Variants in ABTB3 observed in about 807,000 individuals in gnomAD.
ABTB3 encodes the protein ankyrin repeat- and BTB/POZ domain-containing protein 3.
At chr12:107,538,914 A>G in the ABTB3 span, among the ~76,000 whole-genome samples, 1 of 152,106 alleles carries the variant, frequency 6.6e-6, no homozygotes, top group Non-Finnish European at 1.5e-5. Context: ...CAGACTTTTT[A>G]AGGGCCACAC....
chr12:107,635,916 G>A, the ABTB3 span, among the ~76,000 whole-genome samples: 1 of 124,550 alleles, frequency 8.0e-6, no homozygotes, highest in Non-Finnish European at 1.6e-5. Context: ...AAAAACATGA[G>A]GGGACATACC....
chr12:107,659,262 A>G, the ABTB3 span: 1 of 152,194 alleles, frequency 6.6e-6, no homozygotes, highest in Non-Finnish European at 1.5e-5. Context: ...GGCATGGCCC[A>G]TGGAGCATCT....
the ABTB3 span, among the ~76,000 whole-genome samples, chr12:107,387,671 C>T: frequency 6.6e-6 from 1 of 152,150 alleles, no homozygotes; most frequent in South Asian, 2.1e-4. Context: ...TGCTCTGTGC[C>T]AGGCAGCATG....
At chr12:107,359,004 C>T in the ABTB3 span, among the ~76,000 whole-genome samples, 1 of 152,342 alleles carries the variant, frequency 6.6e-6, no homozygotes, top group African/African-American at 2.4e-5. Flanking sequence ...TCTGCTGTCC[C>T]ATCTTATGTT....
the ABTB3 span, among the ~76,000 whole-genome samples, chr12:107,463,501 C>T: frequency 6.6e-6 from 1 of 152,110 alleles, no homozygotes; most frequent in Non-Finnish European, 1.5e-5. Flanking sequence ...TCTGTGATTA[C>T]TCCCATTTTA....
the ABTB3 span, among the ~76,000 whole-genome samples, chr12:107,398,943 C>T: frequency 6.6e-6 from 1 of 152,198 alleles, no homozygotes; most frequent in Admixed American, 6.5e-5. Context: ...GCTATACTGG[C>T]ATCCTATCTT....
At chr12:107,612,965 AG>A in the ABTB3 span, 1 of 1,127,522 alleles carries the variant, frequency 8.9e-7, no homozygotes, top group Non-Finnish European at 1.3e-6. Flanking sequence ...GCTGCCACTG[AG>A]GGTGCACAGT....
chr12:107,484,298 G>A, the ABTB3 span, among the ~76,000 whole-genome samples: 2 of 152,230 alleles, frequency 1.3e-5, no homozygotes, highest in South Asian at 2.1e-4. Flanking sequence ...CTGAAAAGGT[G>A]GCATTTGTAC....
chr12:107,527,564 G>C, the ABTB3 span, among the ~76,000 whole-genome samples: 3 of 151,492 alleles, frequency 2.0e-5, no homozygotes, highest in Non-Finnish European at 4.4e-5. Flanking sequence ...GAGCCATGGC[G>C]CCTGGCCAAG....
chr12:107,342,689 A>G, the ABTB3 span, among the ~76,000 whole-genome samples: 1 of 152,112 alleles, frequency 6.6e-6, no homozygotes, highest in South Asian at 2.1e-4. Flanking sequence ...TAGGCAGAGC[A>G]TCCATTCTCT....
the ABTB3 span, among the ~76,000 whole-genome samples, chr12:107,563,888 G>C: frequency 5.9e-5 from 9 of 152,166 alleles, no homozygotes; most frequent in Admixed American, 2.0e-4. Flanking sequence ...TGACAGATGC[G>C]AATGTAGGTT....
chr12:107,360,382 C>A, the ABTB3 span, among the ~76,000 whole-genome samples: 2 of 152,156 alleles, frequency 1.3e-5, no homozygotes, highest in Non-Finnish European at 2.9e-5. Context: ...GGAGCCCAGC[C>A]AGTGGGGTAA....
At chr12:107,406,019 TG>T in the ABTB3 span, among the ~76,000 whole-genome samples, 1 of 152,190 alleles carries the variant, frequency 6.6e-6, no homozygotes, top group Admixed American at 6.5e-5. Context: ...TGTGGTTACG[TG>T]GGAGCTGAGT....
At chr12:107,621,570 A>G in the ABTB3 span, among the ~76,000 whole-genome samples, 1 of 152,230 alleles carries the variant, frequency 6.6e-6, no homozygotes, top group Non-Finnish European at 1.5e-5. Flanking sequence ...GCGTTCTTAA[A>G]GTAAACTTTA....
chr12:107,654,830 A>ACACACACACACACG, the ABTB3 span, among the ~76,000 whole-genome samples: 4 of 147,046 alleles, frequency 2.7e-5, no homozygotes, highest in African/African-American at 5.3e-5. Flanking sequence ...ACACACACAC[A>ACACACACACACACG]CACACACACA....
At chr12:107,400,620 T>A in the ABTB3 span, among the ~76,000 whole-genome samples, 1 of 152,180 alleles carries the variant, frequency 6.6e-6, no homozygotes, top group East Asian at 1.9e-4. Context: ...GTGTGAACAT[T>A]CAGTGAGATG....
At chr12:107,634,617 G>C in the ABTB3 span, among the ~76,000 whole-genome samples, 1 of 152,130 alleles carries the variant, frequency 6.6e-6, no homozygotes, top group African/African-American at 2.4e-5. Flanking sequence ...ATTAATGAAC[G>C]GAAATGGCTG....
the ABTB3 span, among the ~76,000 whole-genome samples, chr12:107,421,520 C>T: frequency 6.6e-6 from 1 of 152,216 alleles, no homozygotes; most frequent in Non-Finnish European, 1.5e-5. Context: ...CTGCAAAGCT[C>T]TTCTGCTAAG....
the ABTB3 span, among the ~76,000 whole-genome samples, chr12:107,464,568 C>T: frequency 6.6e-6 from 1 of 152,252 alleles, no homozygotes; most frequent in East Asian, 1.9e-4. Context: ...GCCTTGGCCT[C>T]CCAAAGTGTT....
Sources: gnomAD v4.1 joint callset for allele counts (sites outside exome capture counted in the v4.1 genomes callset) on GRCh38, gnomAD v4.1.1 for gene constraint, MANE v1.5 for transcripts, NCBI Gene and HGNC (gene_info 2026-07-23, HGNC 2026-07-21) for gene names.